The following APP variants were observed in gnomAD, a reference collection of about 807,000 sequenced individuals.
The protein encoded by APP is amyloid beta precursor protein.
In APP, 31 loss-of-function variants were observed where a neutral mutation model predicts 101.4. That is an observed-to-expected ratio of 0.31 (90% CI 0.23 to 0.41). The LOEUF is 0.41. APP is among the 10% of genes least tolerant of loss of function. The pLI is 1.00. For missense variants in APP, 839 were observed against 1,003.7 expected, an observed-to-expected ratio of 0.84 and a Z score of 2.22; for synonymous variants, 366 against 364.4, an observed-to-expected ratio of 1.00 and a Z score of -0.05.
intron 3 of APP, among the ~76,000 whole-genome samples, chr21:26,069,212 A>T (rs1288228737): frequency 6.6e-6 from 1 of 152,184 alleles, no homozygotes; most frequent in East Asian, 1.9e-4. Flanking sequence ...ATAGATACTT[A>T]TCGCTCATGA....
intron 6 of APP, among the ~76,000 whole-genome samples, chr21:26,016,313 G>A (rs570672435): frequency 3.3e-5 from 5 of 152,256 alleles, no homozygotes; most frequent in African/African-American, 7.2e-5. Flanking sequence ...GATTACAGGC[G>A]TGAGCCACAG....
At chr21:26,156,085 C>T (rs1452485936) in intron 1 of APP, among the ~76,000 whole-genome samples, 1 of 151,632 alleles carries the variant, frequency 6.6e-6, no homozygotes. Flanking sequence ...AACAATAATC[C>T]TAAGTGGATG....
At chr21:25,890,776 C>G (rs528536106) in intron 17 of APP, among the ~76,000 whole-genome samples, 15 of 150,260 alleles carry the variant, frequency 1.0e-4, no homozygotes, top group African/African-American at 3.7e-4. Flanking sequence ...GGACTCTGAG[C>G]TTGACCTTGC....
At chr21:26,101,626 T>G (rs1026526884) in intron 2 of APP, among the ~76,000 whole-genome samples, 5 of 152,116 alleles carry the variant, frequency 3.3e-5, no homozygotes, top group African/African-American at 7.2e-5. Context: ...ATATCATGAA[T>G]GAGGGGATGG....
intron 13 of APP, among the ~76,000 whole-genome samples, chr21:25,950,071 G>A (rs914835209): frequency 1.3e-5 from 2 of 152,188 alleles, no homozygotes; most frequent in African/African-American, 4.8e-5. Flanking sequence ...CAGAGGGCTT[G>A]GCTCCTTGAG....
At chr21:25,907,636 T>C (rs535296440) in intron 14 of APP, among the ~76,000 whole-genome samples, 3 of 152,362 alleles carry the variant, frequency 2.0e-5, no homozygotes, top group East Asian at 1.9e-4. Context: ...AATCCTTTGC[T>C]GTAAGAGGAG....
chr21:26,117,497 A>G (rs538744089), intron 1 of APP, among the ~76,000 whole-genome samples: 67 of 152,356 alleles, frequency 4.4e-4, no homozygotes, highest in African/African-American at 1.6e-3. Context: ...TAAAATCAGA[A>G]TCACAAAAGT....
Position 26,132,520 on chromosome 21 carries a change from CT to C in APP, c.58-20375del, listed in dbSNP as rs990824286. Reference sequence around the variant, plus strand: ...GAAATTACTTTTAGTTCTCCTCTACCTTTAAAAAAAAGTTTCTCTCCTACTC... The same window carrying C: ...GAAATTACTTTTAGTTCTCCTCTACCTTAAAAAAAAGTTTCTCTCCTACTC... On this transcript the variant is annotated intron_variant, in intron 1 of 17. Coordinates refer to ENST00000346798, the MANE Select transcript of APP (RefSeq NM_000484.4). Among the ~76,000 whole-genome samples, 8 of 90,050 alleles carry C rather than the reference CT, an allele frequency of 8.9e-5. No individual in the cohort carries two copies. In the African/African-American group the frequency reaches 9.0e-4, roughly 10 times the overall value. The allele number at this position is 90,050 out of a possible 152,430, so 59.1% of individuals were successfully genotyped here. A position where few individuals can be genotyped will look rare whatever the true frequency, so the allele number is the denominator to read the frequency against.
intron 4 of APP, 138 bp from the exon 5 acceptor site, chr21:26,051,331 G>T: frequency 1.0e-6 from 1 of 954,676 alleles, no homozygotes; most frequent in Non-Finnish European, 1.6e-6. Context: ...TTTGCTTTTT[G>T]AGTGAATTTA....
In APP at chr21:25,982,327, G is replaced by A; in HGVS notation, c.1224+17C>T. On this transcript the variant is annotated intron_variant, in intron 9 of 17. Coordinates refer to ENST00000346798, the MANE Select transcript of APP (RefSeq NM_000484.4). ...TCCCAATATCGTAGGGCTGAATGAT[G>A]GAAGAGCCAGACTTACCTGGGACAT... is the stretch of plus-strand genomic sequence containing the variant. 1 of 1,613,458 alleles carries A rather than the reference G, an allele frequency of 6.2e-7. No homozygotes were observed. The highest frequency in any genetic ancestry group is 1.1e-5 in the South Asian group (1 of 91,052).
In APP at chr21:25,905,746, C is replaced by T. The variant is rs955816117; in HGVS notation, c.1910-669G>A. On this transcript the variant is annotated intron_variant, in intron 14 of 17. Coordinates refer to ENST00000346798, the MANE Select transcript of APP (RefSeq NM_000484.4). ...TTCATTTTATATTTGCCATTGTTCA[C>T]AATTTTCCCTTTTTATGTGTTCTGG... 8.5e-5 allele frequency among the ~76,000 whole-genome samples: 13 copies of T among 152,320 alleles called. No individual in the cohort carries two copies. The East Asian group carries it at 2.5e-3, about 29-fold the overall frequency.
Position 25,881,531 on chromosome 21 carries a change from C to T in APP, c.*139G>A, listed in dbSNP as rs531663676. ...CAAGTTCAGGCATCTACTTGTGTTA[C>T]AGCACAGCTGTCAAAAGGCGATAAT... On this transcript the variant is annotated 3_prime_UTR_variant, in exon 18 of 18. Coordinates refer to ENST00000346798, the MANE Select transcript of APP (RefSeq NM_000484.4). 1 of 916,822 alleles carries T rather than the reference C, an allele frequency of 1.1e-6. No individual in the cohort carries two copies. The highest frequency in any genetic ancestry group is 1.8e-6 in the Non-Finnish European group (1 of 567,220). 56.8% of individuals were successfully genotyped at this position (916,822 alleles called of 1,614,324 possible).
chr21:26,166,950 GTGTC>G (rs997387840), intron 1 of APP, among the ~76,000 whole-genome samples: 7 of 150,144 alleles, frequency 4.7e-5, no homozygotes, highest in East Asian at 1.9e-4. Flanking sequence ...GTGTGTGTGT[GTGTC>G]TGTCTGTCTG....
At position 25,970,556 on chromosome 21, in the gene APP, CAGAGATATA is replaced by C. The variant is rs2041992641; in HGVS notation, c.1458+4505_1458+4513del. ...GAGGAACCAAGGAACTTTTGTTCTG[CAGAGATATA>C]AAAAAAAATTTCCTGACAAGTGCCT... On this transcript the variant is annotated intron_variant, in intron 11 of 17. Transcript: ENST00000346798. 2.0e-5 allele frequency among the ~76,000 whole-genome samples: 3 copies of C among 152,062 alleles called. No homozygotes were observed. The South Asian group carries it at 6.2e-4, about 32-fold the overall frequency.
chr21:26,014,925 C>A (rs1319157674), intron 6 of APP, among the ~76,000 whole-genome samples: 2 of 152,184 alleles, frequency 1.3e-5, no homozygotes, highest in African/African-American at 4.8e-5. Flanking sequence ...AGAACTCCCA[C>A]AAGGCTTAAA....
At position 26,000,199 on chromosome 21, in the gene APP, T is replaced by G. The variant is rs749246869; in HGVS notation, c.866-17A>C. 1.9e-6 allele frequency: 3 copies of G among 1,613,970 alleles called. No homozygotes were observed. The African/African-American group carries it at 4.0e-5, about 22-fold the overall frequency. On this transcript the variant is annotated splice_polypyrimidine_tract_variant and intron_variant, in intron 6 of 17. Coordinates refer to ENST00000346798, the MANE Select transcript of APP (RefSeq NM_000484.4). Reference sequence around the variant, plus strand: ...AGCACACCTCTAATCAGAGGAGATGTGGGGAACCACATTTAGCATGAAAAG... The same window carrying G: ...AGCACACCTCTAATCAGAGGAGATGGGGGGAACCACATTTAGCATGAAAAG...
rs780056329 is a variant in APP at position 26,073,421 on chromosome 21, C to T, written c.355+16522G>A. On this transcript the variant is annotated intron_variant, in intron 3 of 17. Coordinates refer to ENST00000346798, the MANE Select transcript of APP (RefSeq NM_000484.4). ...AGGACACAACAGTGCCCAGTGAGTC[C>T]GACAACCAGAATGATAGCAAAGAGC... is the stretch of plus-strand genomic sequence containing the variant. 5.3e-5 allele frequency among the ~76,000 whole-genome samples: 8 copies of T among 152,072 alleles called. 1 individual carries two copies. The South Asian group carries it at 6.3e-4, about 12-fold the overall frequency.
chr21:25,980,688 C>T (rs2042398191), intron 9 of APP, among the ~76,000 whole-genome samples: 1 of 151,700 alleles, frequency 6.6e-6, no homozygotes, highest in South Asian at 2.1e-4. Flanking sequence ...ACAAAACAAA[C>T]AAACAAAAAA....
At chr21:25,962,143 A>G (rs17001581) in intron 11 of APP, among the ~76,000 whole-genome samples, 5,376 of 152,260 alleles carry the variant, frequency 0.035, 308 homozygotes, top group African/African-American at 0.12. Flanking sequence ...TGTTTAGCTC[A>G]TAATTATGTG....
Sources: allele counts gnomAD v4.1 joint callset (sites outside exome capture counted in the v4.1 genomes callset), GRCh38; gene constraint gnomAD v4.1.1; transcripts MANE v1.5; gene names NCBI Gene and HGNC (gene_info 2026-07-23, HGNC 2026-07-21).